BBS9: variants seen among roughly 807,000 people sequenced by gnomAD.
BBS9 encodes the protein protein PTHB1.
In BBS9, 89 loss-of-function variants were observed where a neutral mutation model predicts 117.7. That is an observed-to-expected ratio of 0.76 (90% CI 0.64 to 0.90). The LOEUF is 0.90. Among genes scored for constraint, BBS9 ranks in the 40% least tolerant of loss-of-function variants. The pLI is 0.00. For missense variants in BBS9, 982 were observed against 1,042.2 expected (o/e 0.94, Z 0.80); for synonymous variants, 379 against 370.9 (o/e 1.02, Z -0.25).
At chr7:33,456,454 CCTGTG>C (rs1296248679) in intron 19 of BBS9, among the ~76,000 whole-genome samples, 3 of 151,970 alleles carry the variant, frequency 2.0e-5, no homozygotes, top group African/African-American at 7.3e-5. Context: ...TCCTCTTAAA[CCTGTG>C]CCTGTACTAA....
rs765234386 is a variant in BBS9 at position 33,344,592 on chromosome 7, T to C, written c.1287T>C (p.Asp429=). 2.6e-5 allele frequency: 42 copies of C among 1,614,014 alleles called. No individual in the cohort carries two copies. Among genetic ancestry groups the C allele is most frequent in the Non-Finnish European group, 3.4e-5 (40 of 1,179,986 alleles). ...TTCTGTGTTTACAGCAAGCGACCGATGTTGAGGTGGGAACTGACCTTGTCC... is the reference window on the plus strand; with the variant it reads ...TTCTGTGTTTACAGCAAGCGACCGACGTTGAGGTGGGAACTGACCTTGTCC... The part of the protein sequence containing the change: ...PNFDSVSQAT[D]VEVGTDLVPS... Residue 429 remains aspartate, a synonymous_variant, in exon 12 of 23, where the codon GAT becomes GAC. Coordinates refer to ENST00000242067, the MANE Select transcript of BBS9 (RefSeq NM_198428.3).
At chr7:33,573,891 G>GT in intron 21 of BBS9, among the ~76,000 whole-genome samples, 2 of 152,214 alleles carry the variant, frequency 1.3e-5, no homozygotes, top group Non-Finnish European at 2.9e-5. Context: ...CATTTCACAT[G>GT]TACAAGGCTA....
At chr7:33,293,272 A>T (rs1584143419) in intron 9 of BBS9, among the ~76,000 whole-genome samples, 1 of 152,154 alleles carries the variant, frequency 6.6e-6, no homozygotes, top group East Asian at 1.9e-4. Context: ...TGAAAGTGAA[A>T]ATAGAAGGGG....
chr7:33,520,906 T>G (rs749644545), intron 20 of BBS9, among the ~76,000 whole-genome samples: 2 of 152,240 alleles, frequency 1.3e-5, no homozygotes, highest in Non-Finnish European at 2.9e-5. Flanking sequence ...TTGTTCTCAC[T>G]GGGAAATCTG....
intron 10 of BBS9, among the ~76,000 whole-genome samples, chr7:33,337,575 C>A (rs530780914): frequency 6.6e-6 from 1 of 152,054 alleles, no homozygotes; most frequent in African/African-American, 2.4e-5. Context: ...AGTTATTATG[C>A]TTTGGTTTCA....
Position 33,264,487 on chromosome 7 carries a change from T to C in BBS9, c.702+113T>C, listed in dbSNP as rs1798480068. The C allele has an allele frequency of 1.1e-5, 7 of 650,780 alleles. No individual in the cohort carries two copies. The South Asian group carries it at 1.5e-4, about 14-fold the overall frequency. 40.3% of individuals were successfully genotyped at this position (650,780 alleles called of 1,614,324 possible). A position where few individuals can be genotyped will look rare whatever the true frequency, so the allele number is the denominator to read the frequency against. On this transcript the variant is annotated intron_variant, in intron 7 of 22. Coordinates refer to ENST00000242067, the MANE Select transcript of BBS9 (RefSeq NM_198428.3). Reference sequence around the variant, plus strand: ...GTAAAAAAATATGTCAGCCATTCTCTTTCCTATATTATGGTTATATTAATG... The same window carrying C: ...GTAAAAAAATATGTCAGCCATTCTCCTTCCTATATTATGGTTATATTAATG...
chr7:33,554,037 A>T (rs1466962804), intron 21 of BBS9, among the ~76,000 whole-genome samples: 1 of 152,106 alleles, frequency 6.6e-6, no homozygotes, highest in African/African-American at 2.4e-5. Context: ...AAGCAGGGGA[A>T]TAGCATTCCA....
chr7:33,545,495 C>T (rs1853158104), intron 21 of BBS9, among the ~76,000 whole-genome samples: 1 of 152,068 alleles, frequency 6.6e-6, no homozygotes, highest in Non-Finnish European at 1.5e-5. Flanking sequence ...GGTGTGTGTT[C>T]GGGACAGGAG....
Position 33,209,803 on chromosome 7 carries a change from G to A in BBS9, c.442+32212G>A, listed in dbSNP as rs185884826. ...TTCTCTTTTTTTATTACTTAGTCTG[G>A]CTAAAGGTTTGTCAATTTTATCTTT... On this transcript the variant is annotated intron_variant, in intron 5 of 22. Coordinates refer to ENST00000242067, the MANE Select transcript of BBS9 (RefSeq NM_198428.3). 3.3e-3 allele frequency among the ~76,000 whole-genome samples: 508 copies of A among 151,816 alleles called. 2 individuals carry two copies. The highest frequency in any genetic ancestry group is 0.012 in the African/African-American group (486 of 41,436).
intron 21 of BBS9, among the ~76,000 whole-genome samples, chr7:33,587,089 G>GA (rs1218085514): frequency 4.6e-5 from 7 of 151,960 alleles, no homozygotes; most frequent in African/African-American, 1.7e-4. Flanking sequence ...CTACTCTACT[G>GA]CTCAAAGTTG....
rs528249872 is a variant in BBS9, at chr7:33,532,225, C to T, written c.2299-1729C>T. 5.3e-5 allele frequency among the ~76,000 whole-genome samples: 8 copies of T among 152,266 alleles called. No homozygotes were observed. In the South Asian group the frequency reaches 8.3e-4, roughly 16 times the overall value. On this transcript the variant is annotated intron_variant, in intron 20 of 22. Coordinates refer to ENST00000242067, the MANE Select transcript of BBS9 (RefSeq NM_198428.3). Reference sequence around the variant, plus strand: ...AGAGGTTAGGGCATTGTAGCATGAGCGACGGCCATGTGCAGAGGCCTAAGG... The same window carrying T: ...AGAGGTTAGGGCATTGTAGCATGAGTGACGGCCATGTGCAGAGGCCTAAGG...
intron 20 of BBS9, among the ~76,000 whole-genome samples, chr7:33,530,000 T>C (rs964683328): frequency 6.6e-6 from 1 of 152,214 alleles, no homozygotes; most frequent in Non-Finnish European, 1.5e-5. Context: ...TTAAAATAGC[T>C]TACCTTTAAG....
At chr7:33,221,855 T>G (rs1790297651) in intron 5 of BBS9, among the ~76,000 whole-genome samples, 1 of 152,130 alleles carries the variant, frequency 6.6e-6, no homozygotes, top group Non-Finnish European at 1.5e-5. Context: ...TGATATGAAA[T>G]ACTTAAAAAA....
At chr7:33,490,566 A>G (rs140984445) in intron 19 of BBS9, among the ~76,000 whole-genome samples, 72 of 152,294 alleles carry the variant, frequency 4.7e-4, no homozygotes, top group African/African-American at 1.6e-3. Flanking sequence ...AAATGTCACT[A>G]TCTCACAAAT....
intron 19 of BBS9, among the ~76,000 whole-genome samples, chr7:33,457,848 C>T (rs1367383150): frequency 5.9e-5 from 9 of 152,154 alleles, no homozygotes; most frequent in Non-Finnish European, 1.2e-4. Context: ...AGTCAATGCT[C>T]TTAAAGTGCC....
chr7:33,481,033 T>A (rs934303066), intron 19 of BBS9, among the ~76,000 whole-genome samples: 1 of 152,058 alleles, frequency 6.6e-6, no homozygotes, highest in African/African-American at 2.4e-5. Context: ...CAATTAAGCC[T>A]CTTTTGTTTA....
intron 21 of BBS9, among the ~76,000 whole-genome samples, chr7:33,586,162 G>C (rs1158096144): frequency 1.3e-5 from 2 of 151,966 alleles, no homozygotes; most frequent in Non-Finnish European, 2.9e-5. Context: ...TAAAGGTGCA[G>C]ATTTTCTATA....
intron 20 of BBS9, among the ~76,000 whole-genome samples, chr7:33,520,307 C>T (rs1036125670): frequency 5.9e-5 from 9 of 152,108 alleles, no homozygotes; most frequent in Admixed American, 3.3e-4. Flanking sequence ...CCACTGTGCC[C>T]GGCCCCAAAA....
chr7:33,407,693 G>T (rs1830294173), intron 19 of BBS9, among the ~76,000 whole-genome samples: 1 of 152,200 alleles, frequency 6.6e-6, no homozygotes, highest in Non-Finnish European at 1.5e-5. Flanking sequence ...GTTTGCTAGA[G>T]GTCCACTCCA....
Sources: gnomAD v4.1 joint callset for allele counts (sites outside exome capture counted in the v4.1 genomes callset) on GRCh38, gnomAD v4.1.1 for gene constraint, MANE v1.5 for transcripts, NCBI Gene and HGNC (gene_info 2026-07-23, HGNC 2026-07-21) for gene names.